THSD7B: variants seen among roughly 807,000 people sequenced by gnomAD.
The protein encoded by THSD7B is thrombospondin type-1 domain-containing protein 7B.
THSD7B carries 138 observed loss-of-function variants against 213.6 expected under a neutral mutation model. The observed-to-expected ratio is 0.65, with a 90% CI of 0.56 to 0.74. THSD7B has a LOEUF of 0.74. Ranked by LOEUF, THSD7B falls within the 30% of genes least tolerant of loss-of-function variation. The pLI is 0.00. For synonymous variants in THSD7B, 742 were observed against 687.0 expected (o/e 1.08, Z -1.25); for missense variants, 1,931 against 1,991.5 (o/e 0.97, Z 0.58).
At chr2:137,048,066 AC>A (rs1029374716) in intron 2 of THSD7B, among the ~76,000 whole-genome samples, 4 of 132,418 alleles carry the variant, frequency 3.0e-5, no homozygotes, top group Non-Finnish European at 4.9e-5. Context: ...CTTGCCCCCC[AC>A]CCCCCAACAG....
chr2:137,475,449 C>A (rs1688173305), intron 15 of THSD7B, among the ~76,000 whole-genome samples: 1 of 152,126 alleles, frequency 6.6e-6, no homozygotes, highest in Non-Finnish European at 1.5e-5. Context: ...AAACTGCTTT[C>A]TGTATCCACT....
intron 2 of THSD7B, among the ~76,000 whole-genome samples, chr2:136,992,755 C>T (rs900247380): frequency 6.6e-6 from 1 of 152,130 alleles, no homozygotes; most frequent in African/African-American, 2.4e-5. Context: ...ATCTTGGCAA[C>T]TCACCTATTT....
intron 1 of THSD7B, among the ~76,000 whole-genome samples, chr2:136,841,272 C>CAGTTTTAAA (rs1682914603): frequency 6.6e-6 from 1 of 151,928 alleles, no homozygotes; most frequent in African/African-American, 2.4e-5. Context: ...TTAATATATT[C>CAGTTTTAAA]AGTTTTAAAG....
intron 12 of THSD7B, among the ~76,000 whole-genome samples, chr2:137,375,075 A>G (rs764337386): frequency 3.9e-5 from 6 of 152,190 alleles, no homozygotes; most frequent in African/African-American, 1.4e-4. Flanking sequence ...TACAGGTCCA[A>G]TTAGCCTTGG....
At chr2:137,231,458 A>G (rs991758403) in intron 8 of THSD7B, among the ~76,000 whole-genome samples, 2 of 152,204 alleles carry the variant, frequency 1.3e-5, no homozygotes, top group Admixed American at 1.3e-4. Flanking sequence ...GCTTTACCAC[A>G]TACCTGTGTA....
chr2:136,851,642 T>C (rs1683100488), intron 1 of THSD7B, among the ~76,000 whole-genome samples: 1 of 152,184 alleles, frequency 6.6e-6, no homozygotes, highest in South Asian at 2.1e-4. Flanking sequence ...TTGCCTCTAC[T>C]GTTTTTTGAA....
At chr2:136,869,523 T>C (rs187825209) in intron 1 of THSD7B, among the ~76,000 whole-genome samples, 47 of 152,330 alleles carry the variant, frequency 3.1e-4, no homozygotes, top group African/African-American at 1.0e-3. Context: ...ACATCTTTTA[T>C]TGAAGCACAG....
intron 21 of THSD7B, among the ~76,000 whole-genome samples, chr2:137,648,998 T>G (rs1440722015): frequency 1.3e-5 from 2 of 152,230 alleles, no homozygotes; most frequent in African/African-American, 4.8e-5. Context: ...ATGCTTTTGA[T>G]TTACATTTTT....
chr2:137,653,961 T>C (rs537345436), intron 21 of THSD7B, among the ~76,000 whole-genome samples: 9 of 152,078 alleles, frequency 5.9e-5, no homozygotes, highest in African/African-American at 2.2e-4. Flanking sequence ...CTTCCCTGTT[T>C]CCCTTGTTTT....
chr2:137,213,517 A>G (rs1479242110), intron 7 of THSD7B, among the ~76,000 whole-genome samples: 1 of 149,038 alleles, frequency 6.7e-6, no homozygotes, highest in Non-Finnish European at 1.5e-5. Context: ...TATATATTCT[A>G]TATAATTTAA....
chr2:136,949,597 C>T (rs10168140), intron 2 of THSD7B, among the ~76,000 whole-genome samples: 11,273 of 152,166 alleles, frequency 0.074, 676 homozygotes, highest in African/African-American at 0.16. Flanking sequence ...CTAAACATAG[C>T]GAGGAAAGCC....
intron 15 of THSD7B, among the ~76,000 whole-genome samples, chr2:137,507,299 C>A (rs1679858621): frequency 6.6e-6 from 1 of 152,180 alleles, no homozygotes; most frequent in Non-Finnish European, 1.5e-5. Flanking sequence ...TTGGGGAGGT[C>A]AAACTCCAGT....
chr2:136,949,141 T>C (rs73957717), intron 2 of THSD7B, among the ~76,000 whole-genome samples: 79 of 152,292 alleles, frequency 5.2e-4, no homozygotes, highest in Middle Eastern at 6.8e-3. Flanking sequence ...GTGGTTATCA[T>C]TGGTACTGAT....
intron 1 of THSD7B, among the ~76,000 whole-genome samples, chr2:136,802,639 TTATATATATATATA>T (rs56719114): frequency 0.12 from 6,993 of 57,412 alleles, 462 homozygotes; most frequent in Middle Eastern, 0.23. Context: ...TGAATTAAGT[TTATATATATATATA>T]TATATATATA....
chr2:136,937,101 T>C (rs1684747463), intron 2 of THSD7B, among the ~76,000 whole-genome samples: 1 of 152,110 alleles, frequency 6.6e-6, no homozygotes, highest in South Asian at 2.1e-4. Context: ...TCATATTTAT[T>C]AACAGTCTCC....
rs1418013587 is a variant in THSD7B at position 137,618,401 on chromosome 2, C to T, written c.3575C>T (p.Thr1192Ile). The T allele has an allele frequency of 1.2e-6, 2 of 1,613,632 alleles. No individual in the cohort carries two copies. Among genetic ancestry groups the T allele is most frequent in the Non-Finnish European group, 1.7e-6 (2 of 1,179,836 alleles). ...QFQYNLTEWS[T>I]CQLSENAPCG... ...GATCCTATGCCTGTAGAGTGGAGCA[C>T]ATGCCAGCTGAGTGAAAACGCACCC... The change falls in exon 19 of 28, where the codon ACA becomes ATA. Residue 1192 changes from threonine (T) to isoleucine (I), a missense_variant. By Grantham distance (89) the Thr-to-Ile change is moderately conservative (BLOSUM62 -1). Coordinates refer to ENST00000409968, the MANE Select transcript of THSD7B (RefSeq NM_001316349.2).
chr2:136,822,585 A>C (rs1682582836), intron 1 of THSD7B, among the ~76,000 whole-genome samples: 1 of 152,196 alleles, frequency 6.6e-6, no homozygotes, highest in African/African-American at 2.4e-5. Flanking sequence ...CAGCTATTAC[A>C]TTATACAGCA....
chr2:137,510,575 A>C (rs1215174463), intron 15 of THSD7B, among the ~76,000 whole-genome samples: 2 of 152,102 alleles, frequency 1.3e-5, no homozygotes, highest in Non-Finnish European at 1.5e-5. Context: ...ATGTCTTCCA[A>C]TGTAGATAAG....
At chr2:137,325,827 G>A (rs199884171) in intron 12 of THSD7B, among the ~76,000 whole-genome samples, 1 of 152,194 alleles carries the variant, frequency 6.6e-6, no homozygotes, top group African/African-American at 2.4e-5. Flanking sequence ...GCTTCGCAGT[G>A]CTTCTGATTC....
Sources: allele counts gnomAD v4.1 joint callset (sites outside exome capture counted in the v4.1 genomes callset), GRCh38; gene constraint gnomAD v4.1.1; transcripts MANE v1.5; gene names NCBI Gene and HGNC (gene_info 2026-07-23, HGNC 2026-07-21).